ZNF25: variants seen among roughly 807,000 people sequenced by gnomAD.
The protein encoded by ZNF25 is zinc finger protein 25 (KOX 19).
A neutral mutation model predicts 30.9 loss-of-function variants in ZNF25; 21 were observed. The ratio of observed to expected loss-of-function variants is 0.68; its 90% confidence interval spans 0.48 to 0.98. The LOEUF (loss-of-function observed/expected upper bound fraction) is 0.98. ZNF25 is among the 50% of genes least tolerant of loss of function. ZNF25 has a pLI of 0.00. For synonymous variants in ZNF25, 169 were observed against 181.3 expected, an observed-to-expected ratio of 0.93 and a Z score of 0.55; for missense variants, 501 against 529.9, an observed-to-expected ratio of 0.95 and a Z score of 0.54.
chr10:37,957,125 G>T lies in ZNF25; in HGVS notation c.143-10C>A. ...TTATTCACATGGTAACCTATGAATG[G>T]AAAATATCAAGGAAATGATACAAAT... On this transcript the variant is annotated splice_polypyrimidine_tract_variant and intron_variant, in intron 3 of 5. Transcript: ENST00000302609. 6.2e-7 allele frequency: 1 copy of T among 1,608,124 alleles called. No homozygotes were observed. Among genetic ancestry groups the T allele is most frequent in the Non-Finnish European group, 8.5e-7 (1 of 1,175,160 alleles).
At chr10:37,955,152 TAA>T (rs375433658) in intron 4 of ZNF25, among the ~76,000 whole-genome samples, 3 of 140,532 alleles carry the variant, frequency 2.1e-5, no homozygotes, top group African/African-American at 2.6e-5. Context: ...AGACTCCATA[TAA>T]AAAAAAAAAA....
Position 37,957,587 on chromosome 10 carries a change from T to G in ZNF25, c.16-41A>C, listed in dbSNP as rs769240252. 40 of 1,593,254 alleles carry G rather than the reference T, an allele frequency of 2.5e-5. 1 individual carries two copies. In the East Asian group the frequency reaches 8.5e-4, roughly 34 times the overall value. On this transcript the variant is annotated intron_variant, in intron 2 of 5. Coordinates refer to ENST00000302609, the MANE Select transcript of ZNF25 (RefSeq NM_145011.4). ...TCAGTTCAATTTGAAGTAACCAGAA[T>G]AGATTGCATACCATTGAAAAGACAT...
intron 5 of ZNF25, 126 bp from the exon 6 acceptor site, chr10:37,953,321 T>C (rs2062296942): frequency 1.2e-6 from 1 of 866,202 alleles, no homozygotes; most frequent in Non-Finnish European, 1.7e-6. Flanking sequence ...CCATATTTAC[T>C]GGATCCATAG....
At chr10:37,973,917 T>C (rs1164077375) in intron 1 of ZNF25, among the ~76,000 whole-genome samples, 2 of 152,186 alleles carry the variant, frequency 1.3e-5, no homozygotes, top group East Asian at 3.8e-4. Flanking sequence ...AGTAGGTTAC[T>C]GGCATAAAAA....
intron 4 of ZNF25, among the ~76,000 whole-genome samples, chr10:37,956,667 A>T (rs528593109): frequency 6.6e-6 from 1 of 152,238 alleles, no homozygotes; most frequent in South Asian, 2.1e-4. Flanking sequence ...CTGTAATCCT[A>T]GCACTTTGGG....
At chr10:37,957,210 G>C in intron 3 of ZNF25, 95 bp from the exon 4 acceptor site, 1 of 1,371,650 alleles carries the variant, frequency 7.3e-7, no homozygotes. Context: ...AATAATGAAG[G>C]TTCCAGTTAG....
chr10:37,954,620 T>G (rs1270926321), intron 4 of ZNF25, among the ~76,000 whole-genome samples: 1 of 152,202 alleles, frequency 6.6e-6, no homozygotes, highest in Admixed American at 6.5e-5. Context: ...CATTTTCATA[T>G]CTTGCTTCCT....
In ZNF25 at chr10:37,970,607, T is replaced by C. The variant is rs144953110; in HGVS notation, c.15+1101A>G. Among the ~76,000 whole-genome samples, 1,155 of 152,332 alleles carry C rather than the reference T, an allele frequency of 7.6e-3. 14 individuals are homozygous for C. The highest frequency in any genetic ancestry group is 0.027 in the African/African-American group (1,111 of 41,566). On this transcript the variant is annotated intron_variant, in intron 2 of 5. Transcript: ENST00000302609. ...GATTATGTAAAGGATGATTTTTAAA[T>C]GAGCAAACAAAACAAAACAAAACAA... is the stretch of plus-strand genomic sequence containing the variant.
chr10:37,971,852 T>G lies in ZNF25; in HGVS notation c.-85-45A>C, dbSNP rs566506934. ...AACATTTTAGTAAAATATATACCTT[T>G]GAGAAAATGTCCCTTTGACCCATTA... On this transcript the variant is annotated intron_variant, in intron 1 of 5. Transcript: ENST00000302609. 42 of 1,282,962 alleles carry G rather than the reference T, an allele frequency of 3.3e-5. No homozygotes were observed. In the South Asian group the frequency reaches 5.2e-4, roughly 16 times the overall value. 79.5% of individuals were successfully genotyped at this position (1,282,962 alleles called of 1,614,324 possible). A position where few individuals can be genotyped will look rare whatever the true frequency, so the allele number is the denominator to read the frequency against.
chr10:37,967,767 T>C (rs144987848), intron 2 of ZNF25: 12 of 152,236 alleles, frequency 7.9e-5, no homozygotes, highest in African/African-American at 2.4e-4. Context: ...AGTCTCTTCA[T>C]CAAATAATAC....
chr10:37,975,828 G>C (rs1390287770), intron 1 of ZNF25, among the ~76,000 whole-genome samples: 1 of 152,148 alleles, frequency 6.6e-6, no homozygotes, highest in Non-Finnish European at 1.5e-5. Context: ...GGTGCTCAAG[G>C]GGCAAATGCT....
chr10:37,958,971 C>T (rs1026027289), intron 2 of ZNF25, among the ~76,000 whole-genome samples: 4 of 152,178 alleles, frequency 2.6e-5, no homozygotes, highest in African/African-American at 7.2e-5. Flanking sequence ...ATGGCTTGAA[C>T]CTGGGAGGCA....
chr10:37,955,698 G>A (rs1053822617), intron 4 of ZNF25, among the ~76,000 whole-genome samples: 1 of 151,966 alleles, frequency 6.6e-6, no homozygotes, highest in African/African-American at 2.4e-5. Context: ...TTTTTTTCAT[G>A]AACATGAGTC....
chr10:37,974,411 A>T (rs76040677), intron 1 of ZNF25, among the ~76,000 whole-genome samples: 9,097 of 152,298 alleles, frequency 0.06, 348 homozygotes, highest in Middle Eastern at 0.095. Context: ...CAAGGAACTC[A>T]ACAGTCAGAA....
intron 1 of ZNF25, among the ~76,000 whole-genome samples, chr10:37,974,867 C>T (rs748209107): frequency 3.3e-5 from 5 of 152,102 alleles, no homozygotes; most frequent in Non-Finnish European, 7.4e-5. Flanking sequence ...CACCTAAGTA[C>T]CCATCAATGC....
chr10:37,957,306 C>T (rs2062594163), intron 3 of ZNF25, 114 bp downstream of exon 3: 1 of 1,404,214 alleles, frequency 7.1e-7, no homozygotes, highest in South Asian at 1.4e-5. Flanking sequence ...TAACTTCGAC[C>T]TCTGAATCAT....
At chr10:37,956,440 C>G (rs2062525099) in intron 4 of ZNF25, among the ~76,000 whole-genome samples, 1 of 152,032 alleles carries the variant, frequency 6.6e-6, no homozygotes, top group Non-Finnish European at 1.5e-5. Context: ...AAGACAAAGT[C>G]TTACAAGGGT....
intron 1 of ZNF25, among the ~76,000 whole-genome samples, chr10:37,976,153 C>T (rs557799895): frequency 1.3e-5 from 2 of 152,224 alleles, no homozygotes; most frequent in African/African-American, 4.8e-5. Context: ...AGATGCGCGT[C>T]GAGCCGCACT....
intron 2 of ZNF25, among the ~76,000 whole-genome samples, chr10:37,960,623 C>CAAAA (rs201582068): frequency 0.19 from 12,443 of 64,894 alleles, 2,212 homozygotes; most frequent in East Asian, 0.32. Context: ...GACTCCATCT[C>CAAAA]AAAAAAAAAA....
Sources: gnomAD v4.1 joint callset for allele counts (sites outside exome capture counted in the v4.1 genomes callset) on GRCh38, gnomAD v4.1.1 for gene constraint, MANE v1.5 for transcripts, NCBI Gene and HGNC (gene_info 2026-07-23, HGNC 2026-07-21) for gene names.